Variants in THSD7B observed in about 807,000 individuals in gnomAD.
THSD7B encodes the protein thrombospondin type-1 domain-containing protein 7B.
Under a neutral mutation model 213.6 loss-of-function variants are expected in THSD7B, and 138 were observed. That is an observed-to-expected ratio of 0.65 (90% CI 0.56 to 0.74). The LOEUF is 0.74. THSD7B is among the 30% of genes least tolerant of loss of function. The probability of loss-of-function intolerance (pLI) is 0.00; values close to 1 mark genes in which losing one functional copy is unlikely to be tolerated. For synonymous variants in THSD7B, 742 were observed against 687.0 expected, an observed-to-expected ratio of 1.08 and a Z score of -1.25; for missense variants, 1,931 against 1,991.5, an observed-to-expected ratio of 0.97 and a Z score of 0.58.
chr2:137,373,617 G>A (rs2104953405), intron 12 of THSD7B, among the ~76,000 whole-genome samples: 1 of 152,238 alleles, frequency 6.6e-6, no homozygotes, highest in African/African-American at 2.4e-5. Context: ...CAGATGAGTA[G>A]GTTGCAAAAA....
At chr2:137,196,628 G>A (rs1423003117) in intron 7 of THSD7B, among the ~76,000 whole-genome samples, 1 of 151,874 alleles carries the variant, frequency 6.6e-6, no homozygotes, top group Non-Finnish European at 1.5e-5. Context: ...TGTCCATGTG[G>A]GTGGCTGAGA....
intron 1 of THSD7B, among the ~76,000 whole-genome samples, chr2:136,876,421 C>T (rs1040687308): frequency 2.0e-5 from 3 of 152,134 alleles, no homozygotes; most frequent in Admixed American, 1.3e-4. Flanking sequence ...GAAAAATGTC[C>T]AGACTAAAAT....
At chr2:137,381,022 G>A (rs1685762020) in intron 12 of THSD7B, among the ~76,000 whole-genome samples, 2 of 152,190 alleles carry the variant, frequency 1.3e-5, no homozygotes, top group African/African-American at 4.8e-5. Context: ...ACAATTCCTT[G>A]AGTGTTTTTC....
At chr2:137,486,856 A>G (rs1396608137) in intron 15 of THSD7B, among the ~76,000 whole-genome samples, 1 of 152,190 alleles carries the variant, frequency 6.6e-6, no homozygotes, top group Non-Finnish European at 1.5e-5. Context: ...AAACCGCTCA[A>G]CTACATGGAA....
chr2:137,581,710 A>G (rs1349119638), intron 17 of THSD7B, among the ~76,000 whole-genome samples: 117 of 149,852 alleles, frequency 7.8e-4, no homozygotes, highest in Non-Finnish European at 4.6e-4. Flanking sequence ...CAGTGAGCCG[A>G]GATCCCGCCA....
chr2:137,119,436 A>G (rs1413555489), intron 5 of THSD7B, among the ~76,000 whole-genome samples: 1 of 152,208 alleles, frequency 6.6e-6, no homozygotes, highest in Non-Finnish European at 1.5e-5. Context: ...TACATATCTA[A>G]CATGGTTTAA....
chr2:136,986,414 G>T (rs890847137), intron 2 of THSD7B, among the ~76,000 whole-genome samples: 2 of 151,988 alleles, frequency 1.3e-5, no homozygotes, highest in Non-Finnish European at 2.9e-5. Context: ...TTCTGCTCTC[G>T]CCATATGACC....
intron 12 of THSD7B, among the ~76,000 whole-genome samples, chr2:137,381,117 A>T: frequency 6.6e-6 from 1 of 152,194 alleles, no homozygotes; most frequent in Non-Finnish European, 1.5e-5. Context: ...TTTCAGAGTG[A>T]GTGAGCCTTC....
chr2:137,068,487 A>G (rs185169091), intron 3 of THSD7B, among the ~76,000 whole-genome samples: 1 of 152,222 alleles, frequency 6.6e-6, no homozygotes, highest in East Asian at 1.9e-4. Flanking sequence ...ACGTGATCCC[A>G]TAGTTGACAT....
At chr2:136,823,331 C>G (rs1682595282) in intron 1 of THSD7B, among the ~76,000 whole-genome samples, 1 of 152,186 alleles carries the variant, frequency 6.6e-6, no homozygotes, top group South Asian at 2.1e-4. Flanking sequence ...AGTACTTCAT[C>G]TCTCAATGTC....
chr2:136,823,239 C>T (rs1167684042), intron 1 of THSD7B, among the ~76,000 whole-genome samples: 1 of 152,162 alleles, frequency 6.6e-6, no homozygotes, highest in African/African-American at 2.4e-5. Context: ...TTAGTACTAA[C>T]GTCCAGAAAT....
At chr2:137,643,722 G>A (rs1326902207) in intron 21 of THSD7B, among the ~76,000 whole-genome samples, 1 of 152,080 alleles carries the variant, frequency 6.6e-6, no homozygotes, top group African/African-American at 2.4e-5. Flanking sequence ...TAAGCTCAAA[G>A]AATTTAGAAA....
intron 1 of THSD7B, among the ~76,000 whole-genome samples, chr2:136,809,889 A>G (rs1422500174): frequency 1.3e-5 from 2 of 152,136 alleles, no homozygotes; most frequent in Admixed American, 1.3e-4. Context: ...TGCACTGCCC[A>G]AGGTACTCAC....
intron 2 of THSD7B, among the ~76,000 whole-genome samples, chr2:136,992,698 T>G (rs533627007): frequency 1.3e-5 from 2 of 152,264 alleles, no homozygotes; most frequent in East Asian, 3.9e-4. Context: ...GCCCTGTCCC[T>G]GGGGGTGTTA....
At chr2:136,959,203 CATT>C (rs1350464663) in intron 2 of THSD7B, among the ~76,000 whole-genome samples, 2 of 152,228 alleles carry the variant, frequency 1.3e-5, no homozygotes, top group Non-Finnish European at 2.9e-5. Flanking sequence ...TGGCTTCAGT[CATT>C]ATACTTGCTT....
intron 7 of THSD7B, among the ~76,000 whole-genome samples, chr2:137,184,228 G>T (rs1024922122): frequency 3.9e-5 from 6 of 152,132 alleles, no homozygotes; most frequent in Non-Finnish European, 8.8e-5. Context: ...AGGGAAAAAG[G>T]GCTAAGCACT....
At chr2:137,257,847 C>T (rs980991320) in intron 10 of THSD7B, among the ~76,000 whole-genome samples, 6 of 152,106 alleles carry the variant, frequency 3.9e-5, no homozygotes, top group South Asian at 2.1e-4. Context: ...GGCAACAAAG[C>T]GGAATGCACA....
chr2:137,200,821 C>A (rs1680860425), intron 7 of THSD7B, among the ~76,000 whole-genome samples: 1 of 152,048 alleles, frequency 6.6e-6, no homozygotes, highest in African/African-American at 2.4e-5. Context: ...CAGGCACATG[C>A]TGCATGCCTG....
chr2:137,364,718 C>A (rs1685363316), intron 12 of THSD7B, among the ~76,000 whole-genome samples: 1 of 152,064 alleles, frequency 6.6e-6, no homozygotes, highest in Non-Finnish European at 1.5e-5. Flanking sequence ...GAACTACAAA[C>A]CACTGCTCAA....
Sources: gnomAD v4.1 joint callset for allele counts (sites outside exome capture counted in the v4.1 genomes callset) on GRCh38, gnomAD v4.1.1 for gene constraint, MANE v1.5 for transcripts, NCBI Gene and HGNC (gene_info 2026-07-23, HGNC 2026-07-21) for gene names.